Variants in TCEA1 observed in about 807,000 individuals in gnomAD.
TCEA1 encodes transcription elongation factor A1.
TCEA1 carries 21 observed loss-of-function variants against 43.8 expected under a neutral mutation model. The observed-to-expected ratio is 0.48, with a 90% CI of 0.34 to 0.69. TCEA1 has a LOEUF of 0.69. Among genes scored for constraint, TCEA1 ranks in the 30% least tolerant of loss-of-function variants. The probability of loss-of-function intolerance (pLI) is 0.01; values close to 1 mark genes in which losing one functional copy is unlikely to be tolerated. For missense variants in TCEA1, 250 were observed against 365.1 expected (o/e 0.68, Z 2.57); for synonymous variants, 104 against 117.5 (o/e 0.88, Z 0.75).
At position 53,968,009 on chromosome 8, in the gene TCEA1, T is replaced by C. The variant is rs985799729; in HGVS notation, c.*95A>G. 1.6e-5 allele frequency: 19 copies of C among 1,186,178 alleles called. No homozygotes were observed. The highest frequency in any genetic ancestry group is 9.2e-5 in the African/African-American group (6 of 65,426). The allele number at this position is 1,186,178 out of a possible 1,614,324, so 73.5% of individuals were successfully genotyped here. A position where few individuals can be genotyped will look rare whatever the true frequency, so the allele number is the denominator to read the frequency against. ...GTCTAACCCAAGTTGCTTTAAAAAT[T>C]TGATTTGCAGGAAAACTAGTTGCTT... On this transcript the variant is annotated 3_prime_UTR_variant, in exon 10 of 10. Coordinates refer to ENST00000521604, the MANE Select transcript of TCEA1 (RefSeq NM_006756.4).
intron 1 of TCEA1, among the ~76,000 whole-genome samples, chr8:54,013,581 T>C (rs1280159588): frequency 6.8e-6 from 1 of 147,346 alleles, no homozygotes; most frequent in African/African-American, 2.5e-5. Flanking sequence ...CTCAGGAGGC[T>C]GAGGCAGGAG....
At position 53,969,870 on chromosome 8, in the gene TCEA1, A is replaced by C. The variant is rs369641879; in HGVS notation, c.897+522T>G. 4.3e-3 allele frequency among the ~76,000 whole-genome samples: 660 copies of C among 152,302 alleles called. 10 individuals carry two copies. The highest frequency in any genetic ancestry group is 9.7e-3 in the South Asian group (47 of 4,834). On this transcript the variant is annotated intron_variant, in intron 9 of 9. Transcript: ENST00000521604. The stretch of plus-strand genomic sequence containing the variant: ...AAATCCCTCAAGAATGAATCATTTA[A>C]ATAATATAAACTTGCCTGTGTGGGA...
intron 4 of TCEA1, among the ~76,000 whole-genome samples, chr8:53,992,391 T>C (rs1422109821): frequency 6.6e-6 from 1 of 151,858 alleles, no homozygotes; most frequent in Non-Finnish European, 1.5e-5. Context: ...GGAGGGCGGA[T>C]CACCTGAAAT....
At chr8:53,998,580 A>G (rs1804142737) in intron 3 of TCEA1, among the ~76,000 whole-genome samples, 1 of 152,188 alleles carries the variant, frequency 6.6e-6, no homozygotes, top group Non-Finnish European at 1.5e-5. Flanking sequence ...TGTGCAATTA[A>G]TGTGAAAGAC....
At chr8:54,004,973 C>T (rs1325723742) in intron 2 of TCEA1, among the ~76,000 whole-genome samples, 3 of 147,478 alleles carry the variant, frequency 2.0e-5, no homozygotes, top group East Asian at 4.0e-4. Context: ...GAATCTATTA[C>T]TAGCCCAAAT....
At chr8:53,984,157 T>C (rs1313733450) in intron 7 of TCEA1, among the ~76,000 whole-genome samples, 3 of 152,184 alleles carry the variant, frequency 2.0e-5, no homozygotes, top group East Asian at 3.8e-4. Flanking sequence ...TGTAATCACA[T>C]TAAAAGCATG....
At chr8:53,986,773 C>T (rs1188335581) in intron 6 of TCEA1, among the ~76,000 whole-genome samples, 196 bp downstream of exon 6, 2 of 152,152 alleles carry the variant, frequency 1.3e-5, no homozygotes, top group Non-Finnish European at 2.9e-5. Context: ...GAATCCCAGC[C>T]CTGTCAGTGT....
intron 1 of TCEA1, among the ~76,000 whole-genome samples, chr8:54,011,009 G>C (rs937068300): frequency 6.6e-6 from 1 of 151,828 alleles, no homozygotes; most frequent in Non-Finnish European, 1.5e-5. Context: ...AGAGATGGGG[G>C]CCAAGCTGGT....
intron 3 of TCEA1, among the ~76,000 whole-genome samples, chr8:53,996,319 A>G (rs1804050720): frequency 6.6e-6 from 1 of 152,256 alleles, no homozygotes; most frequent in Admixed American, 6.5e-5. Context: ...GCTGTCTGCA[A>G]TCAAGTCCCA....
intron 2 of TCEA1, chr8:54,003,188 C>T (rs188043609): frequency 1.0e-3 from 400 of 390,812 alleles, no homozygotes; most frequent in African/African-American, 7.7e-3. Context: ...AAACACACAG[C>T]TACTATAAAA....
intron 8 of TCEA1, among the ~76,000 whole-genome samples, chr8:53,975,777 C>T (rs1449107205): frequency 1.3e-5 from 2 of 152,098 alleles, no homozygotes; most frequent in African/African-American, 2.4e-5. Flanking sequence ...AAGAGTTTCA[C>T]TTTTGCAAGA....
rs1471932982 is a variant in TCEA1, at chr8:53,984,517, G to A, written c.524C>T (p.Ala175Val). Residue 175 changes from alanine (A) to valine (V), a missense_variant and splice_region_variant, in exon 7 of 10, where the codon GCT becomes GTT. By Grantham distance (64) the Ala-to-Val change is moderately conservative (BLOSUM62 0). Around this residue, in one of 4 missense-constraint regions of TCEA1, gnomAD observed 147 missense variants for 160.3 expected, o/e 0.92. Coordinates refer to ENST00000521604, the MANE Select transcript of TCEA1 (RefSeq NM_006756.4). ...TGTATTCCTTATTTCTTGATATATA[G>A]GTACCAGGCCGTTAAGGAAAAAAGG... The part of the protein sequence containing the change: ...EEELGSQIEE[A>V]IYQEIRNTDM... 2 of 1,556,840 alleles carry A rather than the reference G, an allele frequency of 1.3e-6. No individual in the cohort carries two copies. Among genetic ancestry groups the A allele is most frequent in the Non-Finnish European group, 1.7e-6 (2 of 1,156,132 alleles).
intron 1 of TCEA1, among the ~76,000 whole-genome samples, chr8:54,011,861 C>T (rs1804663131): frequency 6.6e-6 from 1 of 152,126 alleles, no homozygotes; most frequent in Non-Finnish European, 1.5e-5. Flanking sequence ...CATTTCAATT[C>T]AACCCAATAC....
chr8:54,014,578 A>G (rs1293165217), intron 1 of TCEA1, among the ~76,000 whole-genome samples: 2 of 152,234 alleles, frequency 1.3e-5, no homozygotes, highest in African/African-American at 2.4e-5. Flanking sequence ...TACTGGCTGA[A>G]AGATAAACTA....
At chr8:53,975,138 T>C (rs574355166) in intron 8 of TCEA1, among the ~76,000 whole-genome samples, 76 of 152,298 alleles carry the variant, frequency 5.0e-4, no homozygotes, top group African/African-American at 1.8e-3. Context: ...AACTATTCTC[T>C]GGAAAAATTT....
In TCEA1 at chr8:53,975,057, T is replaced by G. The variant is rs1310252624; in HGVS notation, c.825+3968A>C. ...TATCATGTTAAGTTTGTTTATGAAATTAATTTGTAAATAAAAGAGCAAAAT... is the reference window on the plus strand; with the variant it reads ...TATCATGTTAAGTTTGTTTATGAAAGTAATTTGTAAATAAAAGAGCAAAAT... On this transcript the variant is annotated intron_variant, in intron 8 of 9. Transcript: ENST00000521604. Among the ~76,000 whole-genome samples, 31 of 152,158 alleles carry G rather than the reference T, an allele frequency of 2.0e-4. 1 individual carries two copies. The highest frequency in any genetic ancestry group is 2.0e-3 in the Admixed American group (31 of 15,282).
intron 2 of TCEA1, 122 bp downstream of exon 2, chr8:54,010,307 AT>A: frequency 1.4e-6 from 1 of 718,028 alleles, no homozygotes; most frequent in Non-Finnish European, 2.3e-6. Context: ...TTAAAAAAAA[AT>A]AGCAGTTAGT....
chr8:53,970,951 G>A (rs1803138623), intron 8 of TCEA1, among the ~76,000 whole-genome samples: 1 of 152,122 alleles, frequency 6.6e-6, no homozygotes, highest in African/African-American at 2.4e-5. Context: ...CTGTAACCTA[G>A]AAACTTGATA....
intron 4 of TCEA1, among the ~76,000 whole-genome samples, chr8:53,991,655 T>C (rs1278257273): frequency 2.0e-5 from 3 of 150,182 alleles, no homozygotes; most frequent in East Asian, 2.0e-4. Context: ...GATTGTGCCA[T>C]TGGACTCCAG....
Sources: allele counts gnomAD v4.1 joint callset (sites outside exome capture counted in the v4.1 genomes callset), GRCh38; gene constraint gnomAD v4.1.1; regional missense constraint gnomAD v4.1.1; transcripts MANE v1.5; gene names NCBI Gene and HGNC (gene_info 2026-07-23, HGNC 2026-07-21).